Variants in LPAR1 observed in about 807,000 individuals in gnomAD.
LPAR1 encodes the protein lysophosphatidic acid receptor 1, also known as LPA receptor 1.
Under a neutral mutation model 23.8 loss-of-function variants are expected in LPAR1, and 5 were observed. The ratio of observed to expected loss-of-function variants is 0.21; its 90% CI spans 0.11 to 0.44. The LOEUF (loss-of-function observed/expected upper bound fraction) is 0.44, where lower values mean the gene tolerates loss of function less well. LPAR1 is among the 20% of genes least tolerant of loss of function. The pLI, the probability that LPAR1 is intolerant of heterozygous loss-of-function variation, is 0.99. For missense variants in LPAR1, 311 were observed against 482.8 expected (o/e 0.64, Z 3.33); for synonymous variants, 160 against 164.7 (o/e 0.97, Z 0.22).
At chr9:110,887,202 A>T (rs1435146590) in intron 5 of LPAR1, among the ~76,000 whole-genome samples, 4 of 152,194 alleles carry the variant, frequency 2.6e-5, no homozygotes, top group Non-Finnish European at 5.9e-5. Flanking sequence ...CCCAAGACAG[A>T]AACTTCAAGG....
At chr9:110,885,924 G>A (rs56365207) in intron 5 of LPAR1, among the ~76,000 whole-genome samples, 3 of 152,134 alleles carry the variant, frequency 2.0e-5, no homozygotes, top group East Asian at 1.9e-4. Context: ...TAGGCTGGGC[G>A]TGGTGGCTCA....
rs568512608 is a variant in LPAR1 at position 110,979,505 on chromosome 9, GC to G, written c.-181-5948del. 4.5e-3 allele frequency among the ~76,000 whole-genome samples: 681 copies of G among 152,140 alleles called. 4 individuals carry two copies. Among genetic ancestry groups the G allele is most frequent in the Non-Finnish European group, 5.0e-3 (341 of 67,986 alleles). ...GTAAGGGCCCACTGAGTGCCTACCT[GC>G]CCATTTCATTTGATTTCAATATGCC... On this transcript the variant is annotated intron_variant, in intron 2 of 5. Coordinates refer to ENST00000683809, the MANE Select transcript of LPAR1 (RefSeq NM_001351411.2).
chr9:110,934,282 A>G (rs2094558570), intron 5 of LPAR1: 1 of 152,256 alleles, frequency 6.6e-6, no homozygotes, highest in Non-Finnish European at 1.5e-5. Context: ...CCTTCCTGCC[A>G]CATGGCTCTC....
intron 5 of LPAR1, among the ~76,000 whole-genome samples, chr9:110,882,965 G>A (rs2081287989): frequency 6.6e-6 from 1 of 152,238 alleles, no homozygotes; most frequent in South Asian, 2.1e-4. Context: ...AAGAAGAGGA[G>A]GCAGAAGAGT....
chr9:110,905,214 A>C (rs2090807083), intron 5 of LPAR1, among the ~76,000 whole-genome samples: 1 of 152,230 alleles, frequency 6.6e-6, no homozygotes, highest in Non-Finnish European at 1.5e-5. Flanking sequence ...TCAGTTTACC[A>C]TGCTATCCTA....
Position 110,918,397 on chromosome 9 carries a change from T to A in LPAR1, c.793+23024A>T, listed in dbSNP as rs144484990. The stretch of plus-strand genomic sequence containing the variant: ...TTTCATTTATATTTTAACAGTGAGA[T>A]TGAAACAATCTAAGGTCTCTCACCC... On this transcript the variant is annotated intron_variant, in intron 5 of 5. Coordinates refer to ENST00000683809, the MANE Select transcript of LPAR1 (RefSeq NM_001351411.2). Among the ~76,000 whole-genome samples the A allele has an allele frequency of 3.3e-5, 5 of 152,256 alleles. No homozygotes were observed. The East Asian group carries it at 9.6e-4, about 29-fold the overall frequency.
intron 5 of LPAR1, among the ~76,000 whole-genome samples, chr9:110,893,790 C>T (rs993309706): frequency 1.3e-5 from 2 of 152,098 alleles, no homozygotes; most frequent in South Asian, 2.1e-4. Context: ...AAGTGGTATG[C>T]GACTGTCTGT....
At chr9:110,899,888 G>C (rs1441025597) in intron 5 of LPAR1, among the ~76,000 whole-genome samples, 1 of 152,146 alleles carries the variant, frequency 6.6e-6, no homozygotes, top group Non-Finnish European at 1.5e-5. Flanking sequence ...TGCCCACTCA[G>C]TGCCAGTAAT....
chr9:110,986,865 C>T (rs1186133296), intron 2 of LPAR1, among the ~76,000 whole-genome samples: 1 of 152,012 alleles, frequency 6.6e-6, no homozygotes, highest in Non-Finnish European at 1.5e-5. Context: ...GAATCAAAAT[C>T]AATACTGAGT....
At chr9:111,017,545 T>G (rs989271609) in intron 2 of LPAR1, among the ~76,000 whole-genome samples, 8 of 152,216 alleles carry the variant, frequency 5.3e-5, no homozygotes, top group Non-Finnish European at 1.2e-4. Flanking sequence ...AAAATTGAGC[T>G]TATGCGGGTA....
intron 2 of LPAR1, among the ~76,000 whole-genome samples, chr9:111,005,034 T>A (rs1018688706): frequency 2.6e-5 from 4 of 151,472 alleles, no homozygotes; most frequent in African/African-American, 9.7e-5. Context: ...TGATGGCGTG[T>A]GCCTGTGGTT....
At chr9:110,987,735 A>G (rs552518357) in intron 2 of LPAR1, among the ~76,000 whole-genome samples, 2 of 151,914 alleles carry the variant, frequency 1.3e-5, no homozygotes, top group East Asian at 3.9e-4. Flanking sequence ...CATGAATACT[A>G]TATTTCTGAT....
chr9:110,920,623 A>G (rs1056720902), intron 5 of LPAR1, among the ~76,000 whole-genome samples: 6 of 152,176 alleles, frequency 3.9e-5, no homozygotes, highest in Non-Finnish European at 7.3e-5. Context: ...CAAAATAGCA[A>G]GTAATGAGCA....
chr9:111,014,255 C>T (rs2097392813), intron 2 of LPAR1, among the ~76,000 whole-genome samples: 1 of 152,158 alleles, frequency 6.6e-6, no homozygotes, highest in South Asian at 2.1e-4. Flanking sequence ...AACTTAAGGA[C>T]AAGGTAAAGC....
intron 2 of LPAR1, among the ~76,000 whole-genome samples, chr9:111,002,937 G>A (rs1269403835): frequency 6.6e-6 from 1 of 152,058 alleles, no homozygotes; most frequent in Non-Finnish European, 1.5e-5. Context: ...CCAGGAGTTT[G>A]AGACCAGCCT....
intron 5 of LPAR1, among the ~76,000 whole-genome samples, chr9:110,910,825 G>C (rs1209063315): frequency 1.3e-5 from 2 of 152,232 alleles, no homozygotes; most frequent in African/African-American, 4.8e-5. Context: ...AAGAGAAAGA[G>C]TCAGAAGTGG....
At chr9:110,877,379 T>G (rs1351511693) in intron 5 of LPAR1, among the ~76,000 whole-genome samples, 1 of 152,194 alleles carries the variant, frequency 6.6e-6, no homozygotes, top group East Asian at 1.9e-4. Flanking sequence ...CCTTAGACTT[T>G]CCTTGGAGAG....
intron 5 of LPAR1, among the ~76,000 whole-genome samples, chr9:110,911,432 C>T (rs1180953066): frequency 6.6e-6 from 1 of 152,036 alleles, no homozygotes; most frequent in Non-Finnish European, 1.5e-5. Flanking sequence ...GGCCCAGCTA[C>T]TTGGGAGGCT....
chr9:110,923,435 G>A lies in LPAR1; in HGVS notation c.793+17986C>T, dbSNP rs554766953. Reference sequence around the variant, plus strand: ...CTTTCATTTCAGTATTCAATAAATCGATGAGATATTCAACACTTTATTGTA... The same window carrying A: ...CTTTCATTTCAGTATTCAATAAATCAATGAGATATTCAACACTTTATTGTA... On this transcript the variant is annotated intron_variant, in intron 5 of 5. Coordinates refer to ENST00000683809, the MANE Select transcript of LPAR1 (RefSeq NM_001351411.2). Among the ~76,000 whole-genome samples the A allele has an allele frequency of 7.2e-5, 11 of 152,164 alleles. No individual in the cohort carries two copies. In the South Asian group the frequency reaches 2.1e-3, roughly 29 times the overall value.
Sources: allele counts gnomAD v4.1 joint callset (sites outside exome capture counted in the v4.1 genomes callset), GRCh38; gene constraint gnomAD v4.1.1; transcripts MANE v1.5; gene names NCBI Gene and HGNC (gene_info 2026-07-23, HGNC 2026-07-21).